NME5: variants seen among roughly 807,000 people sequenced by gnomAD.
NME5 encodes nucleoside diphosphate kinase 5.
Under a neutral mutation model 21.6 loss-of-function variants are expected in NME5, and 18 were observed. The observed-to-expected ratio is 0.83, with a 90% CI of 0.58 to 1.24. The LOEUF is 1.24. NME5 is among the 50% of genes most tolerant of loss of function. NME5 has a pLI of 0.00. For synonymous variants in NME5, 70 were observed against 80.6 expected (o/e 0.87, Z 0.71); for missense variants, 223 against 255.4 (o/e 0.87, Z 0.86).
rs76717490 is a variant in NME5 at position 138,115,772 on chromosome 5, A to G, written c.556-8T>C. The G allele has an allele frequency of 1.9e-4, 200 of 1,054,610 alleles. No homozygotes were observed. The highest frequency in any genetic ancestry group is 5.4e-4 in the Admixed American group (18 of 33,416). 65.3% of individuals were successfully genotyped at this position (1,054,610 alleles called of 1,614,324 possible). Reference sequence around the variant, plus strand: ...CCAATCAGCTAGCCAAATCTATGGGAAAAAAAAAAACAACCTAAGTTAAGA... The same window carrying G: ...CCAATCAGCTAGCCAAATCTATGGGGAAAAAAAAAACAACCTAAGTTAAGA... On this transcript the variant is annotated splice_polypyrimidine_tract_variant and splice_region_variant and intron_variant, in intron 5 of 5. Transcript: ENST00000265191.
chr5:138,127,590 T>C (rs1751452990), intron 4 of NME5: 2 of 984,656 alleles, frequency 2.0e-6, no homozygotes, highest in Non-Finnish European at 2.4e-6. Context: ...TGCATTTTTT[T>C]CCTTATAACA....
At chr5:138,139,162 C>T (rs926308168) in intron 1 of NME5, 1 of 184,042 alleles carries the variant, frequency 5.4e-6, no homozygotes, top group African/African-American at 2.4e-5. Flanking sequence ...GTGGTGGGGG[C>T]TCGAGGGGAC....
Position 138,139,370 on chromosome 5 carries a change from C to T in NME5, c.-6+1G>A. 2.0e-6 allele frequency: 2 copies of T among 985,694 alleles called. No individual in the cohort carries two copies. Among genetic ancestry groups the T allele is most frequent in the Middle Eastern group, 5.2e-4 (1 of 1,914 alleles). The allele number at this position is 985,694 out of a possible 1,614,324, so 61.1% of individuals were successfully genotyped here. A position where few individuals can be genotyped will look rare whatever the true frequency, so the allele number is the denominator to read the frequency against. ...GAATTTGACCCTCTCTAAGTACTCACCTCAGCGGCCGTCCTCATATGGTAC... is the reference window on the plus strand; with the variant it reads ...GAATTTGACCCTCTCTAAGTACTCATCTCAGCGGCCGTCCTCATATGGTAC... On this transcript the variant is annotated splice_donor_variant, in intron 1 of 5. Coordinates refer to ENST00000265191, the MANE Select transcript of NME5 (RefSeq NM_003551.3). LOFTEE classifies it low-confidence loss of function (5UTR_SPLICE).
intron 4 of NME5, chr5:138,127,685 A>G: frequency 1.0e-6 from 1 of 985,160 alleles, no homozygotes; most frequent in African/African-American, 1.7e-5. Context: ...TCCACTTCTC[A>G]AAGGTTTACA....
At chr5:138,137,628 T>C (rs1751729062) in intron 2 of NME5, among the ~76,000 whole-genome samples, 1 of 151,822 alleles carries the variant, frequency 6.6e-6, no homozygotes, top group Non-Finnish European at 1.5e-5. Context: ...TTCTCTTTAT[T>C]TTTAAAAATA....
intron 4 of NME5, among the ~76,000 whole-genome samples, chr5:138,120,367 G>T (rs1024013602): frequency 6.6e-6 from 1 of 151,166 alleles, no homozygotes; most frequent in African/African-American, 2.4e-5. Context: ...CTGAGTAGCT[G>T]GGACTACAGG....
intron 2 of NME5, among the ~76,000 whole-genome samples, chr5:138,137,135 A>G (rs979978886): frequency 6.6e-6 from 1 of 151,890 alleles, no homozygotes; most frequent in African/African-American, 2.4e-5. Context: ...ATAATACTTG[A>G]TCCAAATTTT....
At position 138,138,692 on chromosome 5, in the gene NME5, A is replaced by T; in HGVS notation, c.89T>A (p.Ile30Lys). Residue 30 changes from isoleucine to lysine, a missense_variant, in exon 2 of 6, where the codon ATA becomes AAA. Transcript: ENST00000265191. ...TCCGGATCTAAGAATAATATCTTGT[A>T]TCTCCTCCTCTTTGTCAACAATATC... is the stretch of plus-strand genomic sequence containing the variant. ...KPDIVDKEEE[I>K]QDIILRSGFT... 1 of 1,613,112 alleles carries T rather than the reference A, an allele frequency of 6.2e-7. No homozygotes were observed. Among genetic ancestry groups the T allele is most frequent in the African/African-American group, 1.3e-5 (1 of 74,974 alleles).
At chr5:138,138,978 C>T (rs1751797305) in intron 1 of NME5, 193 bp from the exon 2 acceptor site, 2 of 495,780 alleles carry the variant, frequency 4.0e-6, no homozygotes, top group Non-Finnish European at 6.9e-6. Flanking sequence ...AGGATTCCTA[C>T]TATGTCCAAA....
intron 2 of NME5, among the ~76,000 whole-genome samples, chr5:138,137,017 G>C (rs1015125729): frequency 6.7e-6 from 1 of 150,148 alleles, no homozygotes; most frequent in Non-Finnish European, 1.5e-5. Flanking sequence ...AAAAAAGGCT[G>C]TCCTACTCCA....
chr5:138,129,642 A>C (rs550756912), intron 2 of NME5, among the ~76,000 whole-genome samples, 174 bp from the exon 3 acceptor site: 2 of 152,338 alleles, frequency 1.3e-5, no homozygotes, highest in Non-Finnish European at 2.9e-5. Flanking sequence ...TAAGATAGTA[A>C]GAGGAATTAC....
rs1751593188 is a variant in NME5 at position 138,132,514 on chromosome 5, G to C, written c.130-3046C>G. 2.0e-5 allele frequency among the ~76,000 whole-genome samples: 3 copies of C among 152,150 alleles called. No homozygotes were observed. In the South Asian group the frequency reaches 6.2e-4, roughly 31 times the overall value. Reference sequence around the variant, plus strand: ...AATGGAGATATGTCACTAAGTGAAGGCTAAAAATCTCCATGATTATGGCAG... The same window carrying C: ...AATGGAGATATGTCACTAAGTGAAGCCTAAAAATCTCCATGATTATGGCAG... On this transcript the variant is annotated intron_variant, in intron 2 of 5. Coordinates refer to ENST00000265191, the MANE Select transcript of NME5 (RefSeq NM_003551.3).
chr5:138,119,133 T>A (rs1421133499), intron 4 of NME5, among the ~76,000 whole-genome samples, 197 bp from the exon 5 acceptor site: 1 of 152,066 alleles, frequency 6.6e-6, no homozygotes, highest in Non-Finnish European at 1.5e-5. Context: ...TTCATGTGAT[T>A]CTCCCACCTC....
intron 2 of NME5, among the ~76,000 whole-genome samples, chr5:138,131,241 C>T (rs1751560435): frequency 6.8e-6 from 1 of 147,144 alleles, no homozygotes; most frequent in South Asian, 2.1e-4. Context: ...ATTAGCCAGC[C>T]GTGGTGGCGG....
chr5:138,129,519 T>C (rs375979472), intron 2 of NME5, 51 bp from the exon 3 acceptor site: 13 of 1,320,554 alleles, frequency 9.8e-6, no homozygotes, highest in East Asian at 2.3e-5. Flanking sequence ...AGTTCAATGA[T>C]AGCTCATTAA....
At chr5:138,134,526 G>A (rs922355321) in intron 2 of NME5, among the ~76,000 whole-genome samples, 1 of 152,086 alleles carries the variant, frequency 6.6e-6, no homozygotes, top group African/African-American at 2.4e-5. Context: ...TTACAGGCAT[G>A]AGCCACCGCA....
chr5:138,133,098 C>CT lies in NME5; in HGVS notation c.130-3631dup, dbSNP rs534986271. Among the ~76,000 whole-genome samples, 368 of 142,888 alleles carry CT rather than the reference C, an allele frequency of 2.6e-3. 2 individuals are homozygous for CT. The highest frequency in any genetic ancestry group is 3.6e-3 in the Middle Eastern group (1 of 276). 93.7% of individuals were successfully genotyped at this position (142,888 alleles called of 152,430 possible). A position where few individuals can be genotyped will look rare whatever the true frequency, so the allele number is the denominator to read the frequency against. ...ACAATTTTTAAAATTAAGGGTTCAT[C>CT]TTTTTTTTTTTTTTTGAGACGGAGT... On this transcript the variant is annotated intron_variant, in intron 2 of 5. Coordinates refer to ENST00000265191, the MANE Select transcript of NME5 (RefSeq NM_003551.3).
intron 2 of NME5, among the ~76,000 whole-genome samples, chr5:138,134,578 C>T (rs1481460889): frequency 6.6e-6 from 1 of 151,876 alleles, no homozygotes; most frequent in East Asian, 1.9e-4. Context: ...TAAGGTTTCA[C>T]CACATTGGCC....
chr5:138,121,978 C>A (rs574239048), intron 4 of NME5, among the ~76,000 whole-genome samples: 1 of 152,116 alleles, frequency 6.6e-6, no homozygotes, highest in Non-Finnish European at 1.5e-5. Flanking sequence ...CAGGAATGAG[C>A]CACTGCACCC....
Sources: gnomAD v4.1 joint callset for allele counts (sites outside exome capture counted in the v4.1 genomes callset) on GRCh38, gnomAD v4.1.1 for gene constraint, MANE v1.5 for transcripts, NCBI Gene and HGNC (gene_info 2026-07-23, HGNC 2026-07-21) for gene names.